CIAO2B: variants seen among roughly 807,000 people sequenced by gnomAD.
CIAO2B encodes the protein cytosolic iron-sulfur assembly component 2B.
A neutral mutation model predicts 16.4 loss-of-function variants in CIAO2B; 20 were observed. The ratio of observed to expected loss-of-function variants is 1.22; its 90% CI spans 0.86 to 1.77. The LOEUF is 1.77. CIAO2B is among the 40% of genes most tolerant of loss of function. The pLI is 0.00. For missense variants in CIAO2B, 215 were observed against 222.4 expected (o/e 0.97, Z 0.21); for synonymous variants, 106 against 90.4 (o/e 1.17, Z -0.98).
At position 66,934,094 on chromosome 16, in the gene CIAO2B, C is replaced by G; in HGVS notation, c.143-28G>C. 1 of 1,612,702 alleles carries G rather than the reference C, an allele frequency of 6.2e-7. No individual in the cohort carries two copies. The highest frequency in any genetic ancestry group is 2.2e-5 in the East Asian group (1 of 44,856). ...GGGAAGTGAAGGAAAAGGGACTCTG[C>G]GCCCTTGCCCACTTAGAACCCTCTG... On this transcript the variant is annotated intron_variant, in intron 1 of 4. Transcript: ENST00000422424. This position sits in a 1 kb window ranked among gnomAD's most constrained non-coding sequence, Gnocchi z 4.1.
At position 66,932,781 on chromosome 16, in the gene CIAO2B, T is replaced by A. The variant is rs1567543538; in HGVS notation, c.393A>T (p.Ala131=). ...CCCTCACCACCAGTCCACACTTACC[T>A]GCATGCTCTGAGGCATGGGTCCCCG... is the stretch of plus-strand genomic sequence containing the variant. The part of the protein sequence containing the change: ...ITPGTHASEH[A]VNKQLADKER... The change falls in exon 4 of 5, where the codon GCA becomes GCT. Residue 131 remains alanine, a splice_region_variant and synonymous_variant. Transcript: ENST00000422424. 2 of 1,610,396 alleles carry A rather than the reference T, an allele frequency of 1.2e-6. No homozygotes were observed. The highest frequency in any genetic ancestry group is 2.2e-5 in the South Asian group (2 of 90,154).
chr16:66,933,974 G>T lies in CIAO2B; in HGVS notation c.222+13C>A, dbSNP rs757047066. The stretch of plus-strand genomic sequence containing the variant: ...CTCTCTGGAACAACTCGCTCCCCTC[G>T]GAAGTGACTCACCTGAACCCGCACC... On this transcript the variant is annotated intron_variant, in intron 2 of 4. Transcript: ENST00000422424. The T allele has an allele frequency of 6.2e-7, 1 of 1,613,210 alleles. No homozygotes were observed. Among genetic ancestry groups the T allele is most frequent in the Non-Finnish European group, 8.5e-7 (1 of 1,179,748 alleles).
At chr16:66,933,014 G>A (rs1480080423) in intron 3 of CIAO2B, among the ~76,000 whole-genome samples, 189 bp from the exon 4 acceptor site, 1 of 151,324 alleles carries the variant, frequency 6.6e-6, no homozygotes, top group African/African-American at 2.4e-5. Context: ...CCAAGACTGA[G>A]TCTTGCTCTG....
rs1460497397 is a variant in CIAO2B, at chr16:66,933,699, G to C, written c.263C>G (p.Pro88Arg). The change falls in exon 3 of 5, where the codon CCA becomes CGA. Residue 88 changes from proline (P) to arginine (R), a missense_variant. Coordinates refer to ENST00000422424, the MANE Select transcript of CIAO2B (RefSeq NM_016062.4). ...GGCCATGCTGCAGTGCGGAATGGTTGGTGTGAAAGCCACAGCCACTGTACT... is the reference window on the plus strand; with the variant it reads ...GGCCATGCTGCAGTGCGGAATGGTTCGTGTGAAAGCCACAGCCACTGTACT... ...PESTVAVAFT[P>R]TIPHCSMATL... The C allele has an allele frequency of 6.3e-7, 1 of 1,584,976 alleles. No homozygotes were observed. The highest frequency in any genetic ancestry group is 1.2e-5 in the South Asian group (1 of 86,894).
In CIAO2B at chr16:66,933,602, G is replaced by A. The variant is rs368141724; in HGVS notation, c.348+12C>T. On this transcript the variant is annotated intron_variant, in intron 3 of 4. Coordinates refer to ENST00000422424, the MANE Select transcript of CIAO2B (RefSeq NM_016062.4). ...TGCCTGGTCTCACTCCCGGGGCTCAGCTCCAACTGACCTTGAAACGCTGAG... is the reference window on the plus strand; with the variant it reads ...TGCCTGGTCTCACTCCCGGGGCTCAACTCCAACTGACCTTGAAACGCTGAG... The A allele has an allele frequency of 2.1e-5, 33 of 1,608,398 alleles. No individual in the cohort carries two copies. In the African/African-American group the frequency reaches 4.4e-4, roughly 21 times the overall value.
chr16:66,934,159 C>T lies in CIAO2B; in HGVS notation c.142+64G>A. On this transcript the variant is annotated intron_variant, in intron 1 of 4. Transcript: ENST00000422424. This position sits in a 1 kb window ranked among gnomAD's most constrained non-coding sequence, Gnocchi z 4.1. Reference sequence around the variant, plus strand: ...CTGGGATGCGGCTCCACCAGCTGCTCGATATCACTGCTCCCCCCACCGCAA... The same window carrying T: ...CTGGGATGCGGCTCCACCAGCTGCTTGATATCACTGCTCCCCCCACCGCAA... The T allele has an allele frequency of 6.2e-7, 1 of 1,610,600 alleles. No homozygotes were observed. Among genetic ancestry groups the T allele is most frequent in the South Asian group, 1.1e-5 (1 of 90,794 alleles).
In CIAO2B at chr16:66,934,335, G is replaced by GCCGCCGCCGACC. The variant is rs763568182; in HGVS notation, c.18_29dup (p.Val7_Gly10dup). On this transcript the variant is annotated inframe_insertion, in exon 1 of 5. Coordinates refer to ENST00000422424, the MANE Select transcript of CIAO2B (RefSeq NM_016062.4). The surrounding 1 kb of genome is among the most constrained non-coding windows in gnomAD (Gnocchi z 4.1). Reference sequence around the variant, plus strand: ...TGAGGGGGTTGGCATTCTCCAGGAGGCCGCCGCCGACCCCGCCGCCGCCTA... The same window carrying GCCGCCGCCGACC: ...TGAGGGGGTTGGCATTCTCCAGGAGGCCGCCGCCGACCCCGCCGCCGACCCCGCCGCCGCCTA... The GCCGCCGCCGACC allele has an allele frequency of 7.0e-5, 111 of 1,584,830 alleles. No individual in the cohort carries two copies. Among genetic ancestry groups the GCCGCCGCCGACC allele is most frequent in the Non-Finnish European group, 9.0e-5 (105 of 1,171,570 alleles).
At chr16:66,932,919 C>T in intron 3 of CIAO2B, 94 bp from the exon 4 acceptor site, 2 of 1,364,892 alleles carry the variant, frequency 1.5e-6, no homozygotes, top group Non-Finnish European at 2.0e-6. Context: ...TCCAGCTGAT[C>T]CTTCCTCCTA....
At chr16:66,933,358 C>T (rs924353768) in intron 3 of CIAO2B, 5 of 493,080 alleles carry the variant, frequency 1.0e-5, no homozygotes, top group Admixed American at 3.4e-5. Flanking sequence ...TGTGCCCCAC[C>T]CCTGGTCCAA....
intron 4 of CIAO2B, 32 bp from the exon 5 acceptor site, chr16:66,932,332 A>C: frequency 6.3e-7 from 1 of 1,574,860 alleles, no homozygotes; most frequent in Non-Finnish European, 8.7e-7. Flanking sequence ...GGGAAGGCAG[A>C]GTCAAAGCTA....
At position 66,933,983 on chromosome 16, in the gene CIAO2B, T is replaced by A; in HGVS notation, c.222+4A>T. 2 of 1,613,592 alleles carry A rather than the reference T, an allele frequency of 1.2e-6. No individual in the cohort carries two copies. Among genetic ancestry groups the A allele is most frequent in the Non-Finnish European group, 1.7e-6 (2 of 1,179,834 alleles). On this transcript the variant is annotated splice_donor_region_variant and intron_variant, in intron 2 of 4. Coordinates refer to ENST00000422424, the MANE Select transcript of CIAO2B (RefSeq NM_016062.4). ...ACAACTCGCTCCCCTCGGAAGTGAC[T>A]CACCTGAACCCGCACCTGCTCTACT...
Position 66,934,165 on chromosome 16 carries a change from C to A in CIAO2B, c.142+58G>T. On this transcript the variant is annotated intron_variant, in intron 1 of 4. Coordinates refer to ENST00000422424, the MANE Select transcript of CIAO2B (RefSeq NM_016062.4). This position sits in a 1 kb window ranked among gnomAD's most constrained non-coding sequence, Gnocchi z 4.1. ...TGCGGCTCCACCAGCTGCTCGATAT[C>A]ACTGCTCCCCCCACCGCAAGCCCCC... 6.2e-7 allele frequency: 1 copy of A among 1,609,774 alleles called. No individual in the cohort carries two copies. The highest frequency in any genetic ancestry group is 8.5e-7 in the Non-Finnish European group (1 of 1,178,204).
Position 66,932,232 on chromosome 16 carries a change from C to T in CIAO2B, c.463G>A (p.Val155Met). 3 of 1,613,842 alleles carry T rather than the reference C, an allele frequency of 1.9e-6. No homozygotes were observed. The highest frequency in any genetic ancestry group is 2.5e-6 in the Non-Finnish European group (3 of 1,179,824). Residue 155 changes from valine to methionine, a missense_variant, in exon 5 of 5, where the codon GTG becomes ATG. By Grantham distance (21) the Val-to-Met change is conservative. Transcript: ENST00000422424. ...ALENTHLLEV[V>M]NQCLSARS Reference sequence around the variant, plus strand: ...GAGCGGGCTGACAGGCACTGATTCACAACCTCCAAGAGGTGGGTGTTCTCC... The same window carrying T: ...GAGCGGGCTGACAGGCACTGATTCATAACCTCCAAGAGGTGGGTGTTCTCC...
intron 3 of CIAO2B, 103 bp downstream of exon 3, chr16:66,933,510 GC>G: frequency 7.0e-7 from 1 of 1,427,964 alleles, no homozygotes. Context: ...ATCCTTCCAG[GC>G]CCCACTCTGA....
chr16:66,932,657 T>C, intron 4 of CIAO2B, 123 bp downstream of exon 4: 1 of 1,192,318 alleles, frequency 8.4e-7, no homozygotes, highest in East Asian at 2.6e-5. Context: ...GAGGAGTCTC[T>C]GGCAATTTCA....
rs1342330939 is a variant in CIAO2B at position 66,934,210 on chromosome 16, C to CA, written c.142+12dup. ...GCCCCCGGAACCCGCCCGCGCCCAG[C>CA]AGCGGCGGATATCGAAGATCTCGCG... On this transcript the variant is annotated intron_variant, in intron 1 of 4. Transcript: ENST00000422424. This position sits in a 1 kb window ranked among gnomAD's most constrained non-coding sequence, Gnocchi z 4.1. 4 of 1,608,128 alleles carry CA rather than the reference C, an allele frequency of 2.5e-6. No homozygotes were observed. Among genetic ancestry groups the CA allele is most frequent in the Non-Finnish European group, 3.4e-6 (4 of 1,177,658 alleles).
rs1283668222 is a variant in CIAO2B at position 66,932,829 on chromosome 16, G to A, written c.349-4C>T. The stretch of plus-strand genomic sequence containing the variant: ...CCGGAGTAATGTGCACGTCCATCTG[G>A]GAGGGAGATAACCAGGGCCTGAACA... On this transcript the variant is annotated splice_region_variant and splice_polypyrimidine_tract_variant and intron_variant, in intron 3 of 4. Transcript: ENST00000422424. The A allele has an allele frequency of 6.2e-7, 1 of 1,611,656 alleles. No homozygotes were observed. The highest frequency in any genetic ancestry group is 1.7e-5 in the Admixed American group (1 of 59,720).
chr16:66,934,076 G>T lies in CIAO2B; in HGVS notation c.143-10C>A, dbSNP rs752960249. The stretch of plus-strand genomic sequence containing the variant: ...ATGGAGCGAATCAGATGTGGGAAGT[G>T]AAGGAAAAGGGACTCTGCGCCCTTG... On this transcript the variant is annotated splice_polypyrimidine_tract_variant and intron_variant, in intron 1 of 4. Coordinates refer to ENST00000422424, the MANE Select transcript of CIAO2B (RefSeq NM_016062.4). The surrounding 1 kb of genome is among the most constrained non-coding windows in gnomAD (Gnocchi z 4.1). 6.2e-7 allele frequency: 1 copy of T among 1,613,514 alleles called. No homozygotes were observed. The highest frequency in any genetic ancestry group is 8.5e-7 in the Non-Finnish European group (1 of 1,179,768).
chr16:66,933,846 C>A, intron 2 of CIAO2B, 107 bp from the exon 3 acceptor site: 1 of 1,536,636 alleles, frequency 6.5e-7, no homozygotes, highest in Non-Finnish European at 8.8e-7. Flanking sequence ...GCCTCAGTTT[C>A]AACACCCATA....
Sources: gnomAD v4.1 joint callset for allele counts (sites outside exome capture counted in the v4.1 genomes callset) on GRCh38, gnomAD v4.1.1 for gene constraint, Gnocchi (gnomAD v3.1) non-coding constraint, MANE v1.5 for transcripts, NCBI Gene and HGNC (gene_info 2026-07-23, HGNC 2026-07-21) for gene names.